The following IQSEC3 variants were observed in gnomAD, a reference collection of about 807,000 sequenced individuals.
IQSEC3 encodes IQ motif and SEC7 domain-containing protein 3.
In IQSEC3, 50 loss-of-function variants were observed where a neutral mutation model predicts 105.4. The ratio of observed to expected loss-of-function variants is 0.47; its 90% CI spans 0.38 to 0.60. The LOEUF is 0.60. Among genes scored for constraint, IQSEC3 ranks in the 20% least tolerant of loss-of-function variants. IQSEC3 has a pLI of 0.00. For synonymous variants in IQSEC3, 708 were observed against 746.0 expected (o/e 0.95, Z 0.83); for missense variants, 1,415 against 1,630.0 (o/e 0.87, Z 2.27).
rs1555065716 is a variant in IQSEC3, at chr12:67,101, G to A, written c.219G>A (p.Ser73=). 1 of 1,525,562 alleles carries A rather than the reference G, an allele frequency of 6.6e-7. No individual in the cohort carries two copies. Among genetic ancestry groups the A allele is most frequent in the Admixed American group, 2.0e-5 (1 of 50,508 alleles). The allele number at this position is 1,525,562 out of a possible 1,614,324, so 94.5% of individuals were successfully genotyped here. Residue 73 remains serine, a synonymous_variant, in exon 1 of 14, where the codon TCG becomes TCA. Transcript: ENST00000538872. ...QPPPGLVPPS[S]APLPAAPATA... is the part of the protein sequence containing the mutation. ...CGCCCGGGCTCGTCCCCCCGTCATC[G>A]GCCCCGCTGCCGGCCGCTCCGGCCA...
chr12:140,522 T>G (rs1663701022), intron 4 of IQSEC3: 1 of 152,244 alleles, frequency 6.6e-6, no homozygotes, highest in Non-Finnish European at 1.5e-5. Flanking sequence ...CCCCACACCC[T>G]TCTGAAAATA....
At chr12:145,802 G>A (rs1866240228) in intron 5 of IQSEC3, among the ~76,000 whole-genome samples, 1 of 152,262 alleles carries the variant, frequency 6.6e-6, no homozygotes, top group Non-Finnish European at 1.5e-5. Flanking sequence ...CGCTTCAGCA[G>A]GTTTAAAGTC....
chr12:99,290 T>A, intron 2 of IQSEC3, 76 bp downstream of exon 2: 2 of 1,337,014 alleles, frequency 1.5e-6, no homozygotes, highest in South Asian at 1.3e-5. Context: ...ACCACTGCAC[T>A]AGCTATTGGG....
chr12:155,691 C>T (rs1866660661), intron 5 of IQSEC3, among the ~76,000 whole-genome samples: 1 of 152,086 alleles, frequency 6.6e-6, no homozygotes, highest in South Asian at 2.1e-4. Flanking sequence ...GAAGTGGGTC[C>T]ACCTCAGAGC....
intron 1 of IQSEC3, among the ~76,000 whole-genome samples, chr12:80,298 T>G (rs75265127): frequency 0.026 from 4,019 of 152,254 alleles, 182 homozygotes; most frequent in African/African-American, 0.092. Flanking sequence ...GGGCTCCCTT[T>G]GTTGTCAGCA....
chr12:145,250 A>T (rs1396735715), intron 5 of IQSEC3, among the ~76,000 whole-genome samples: 1 of 152,208 alleles, frequency 6.6e-6, no homozygotes. Context: ...GATGCTTAGT[A>T]AGTTATCTGT....
intron 13 of IQSEC3, among the ~76,000 whole-genome samples, 159 bp from the exon 14 acceptor site, chr12:174,440 G>A (rs1309274125): frequency 6.6e-6 from 1 of 152,086 alleles, no homozygotes; most frequent in Non-Finnish European, 1.5e-5. Flanking sequence ...CAAAAGCCAG[G>A]GTCGCAACCC....
chr12:92,950 T>G (rs1242708360), intron 1 of IQSEC3, among the ~76,000 whole-genome samples: 1 of 152,242 alleles, frequency 6.6e-6, no homozygotes, highest in Admixed American at 6.5e-5. Context: ...AAATACTTCC[T>G]TTCTTTCTGT....
intron 3 of IQSEC3, among the ~76,000 whole-genome samples, chr12:136,170 G>A (rs1041515729): frequency 3.3e-5 from 5 of 152,170 alleles, no homozygotes; most frequent in African/African-American, 9.7e-5. Context: ...AGGCTTAGTT[G>A]CCATTTACAC....
intron 2 of IQSEC3, among the ~76,000 whole-genome samples, chr12:109,839 T>A (rs1864818726): frequency 6.6e-6 from 1 of 152,238 alleles, no homozygotes; most frequent in South Asian, 2.1e-4. Context: ...TCTCTTGCTC[T>A]CGCTCGTTTT....
intron 13 of IQSEC3, among the ~76,000 whole-genome samples, chr12:174,114 G>T (rs920295526): frequency 6.6e-6 from 1 of 152,132 alleles, no homozygotes; most frequent in African/African-American, 2.4e-5. Flanking sequence ...CTATGAGGTC[G>T]ACGGTGCCAA....
At chr12:171,739 GC>G (rs112655962) in intron 13 of IQSEC3, among the ~76,000 whole-genome samples, 7,506 of 152,326 alleles carry the variant, frequency 0.049, 239 homozygotes, top group Middle Eastern at 0.071. Flanking sequence ...CATCTGGAAA[GC>G]TGGCCATGGC....
intron 1 of IQSEC3, among the ~76,000 whole-genome samples, chr12:72,098 A>G (rs181434711): frequency 7.4e-4 from 112 of 152,368 alleles, no homozygotes; most frequent in African/African-American, 2.6e-3. Flanking sequence ...ACCAGCCTCC[A>G]GCTCCCTCTT....
chr12:111,021 CCTT>C (rs1555079433), intron 2 of IQSEC3, among the ~76,000 whole-genome samples: 1 of 152,174 alleles, frequency 6.6e-6, no homozygotes, highest in East Asian at 1.9e-4. Flanking sequence ...CTTCCTCCGA[CCTT>C]CTTGCTGCCC....
chr12:123,331 C>G (rs1406191430), intron 2 of IQSEC3, among the ~76,000 whole-genome samples: 1 of 152,144 alleles, frequency 6.6e-6, no homozygotes, highest in Non-Finnish European at 1.5e-5. Flanking sequence ...GTCCCAGGTA[C>G]TCAGTAGGCT....
chr12:128,638 C>G (rs371658841), intron 3 of IQSEC3, among the ~76,000 whole-genome samples: 10 of 152,162 alleles, frequency 6.6e-5, no homozygotes, highest in African/African-American at 1.9e-4. Context: ...GCTCTAGCCC[C>G]AAGCCCCACT....
At chr12:141,723 CAG>C (rs1246409633) in intron 5 of IQSEC3, 3 of 172,184 alleles carry the variant, frequency 1.7e-5, no homozygotes, top group Admixed American at 1.3e-4. Context: ...AAATGTGAGA[CAG>C]AAAAAAGAAG....
intron 1 of IQSEC3, among the ~76,000 whole-genome samples, chr12:84,877 T>C (rs1438125591): frequency 2.0e-5 from 3 of 152,144 alleles, no homozygotes; most frequent in Non-Finnish European, 4.4e-5. Context: ...AGATCAAGGC[T>C]CTTCCACTCA....
chr12:86,110 C>G (rs1415173091), intron 1 of IQSEC3, among the ~76,000 whole-genome samples: 1 of 152,142 alleles, frequency 6.6e-6, no homozygotes, highest in African/African-American at 2.4e-5. Flanking sequence ...ATCAGTGATA[C>G]AGAGTGGAAA....
Sources: allele counts gnomAD v4.1 joint callset (sites outside exome capture counted in the v4.1 genomes callset), GRCh38; gene constraint gnomAD v4.1.1; transcripts MANE v1.5; gene names NCBI Gene and HGNC (gene_info 2026-07-23, HGNC 2026-07-21).